The following SERPINB10 variants were observed in gnomAD, a reference collection of about 807,000 sequenced individuals.
SERPINB10 encodes the protein serpin family B member 10, also known as serpin B10.
Under a neutral mutation model 39.1 loss-of-function variants are expected in SERPINB10, and 35 were observed. That is an observed-to-expected ratio of 0.90 (90% confidence interval 0.68 to 1.19). The LOEUF is 1.19. Ranked by LOEUF, SERPINB10 falls within the 50% of genes most tolerant of loss-of-function variation. SERPINB10 has a pLI of 0.00. For synonymous variants in SERPINB10, 190 were observed against 158.1 expected, an observed-to-expected ratio of 1.20 and a Z score of -1.52; for missense variants, 546 against 460.5, an observed-to-expected ratio of 1.19 and a Z score of -1.70.
In SERPINB10 at chr18:63,935,269, A is replaced by C. The variant is rs553047583; in HGVS notation, c.*27A>C. On this transcript the variant is annotated 3_prime_UTR_variant, in exon 8 of 8. Coordinates refer to ENST00000238508, the MANE Select transcript of SERPINB10 (RefSeq NM_005024.3). ...TCCTGCATATCTCTCAACAAACAAG[A>C]CCATCTTACAGTGTGAAAAATGTAC... 6.3e-5 allele frequency: 96 copies of C among 1,526,756 alleles called. 1 individual carries two copies. In the South Asian group the frequency reaches 6.5e-4, roughly 10 times the overall value. 94.6% of individuals were successfully genotyped at this position (1,526,756 alleles called of 1,614,324 possible). A position where few individuals can be genotyped will look rare whatever the true frequency, so the allele number is the denominator to read the frequency against.
intron 1 of SERPINB10, among the ~76,000 whole-genome samples, chr18:63,912,002 A>T (rs1288065408): frequency 2.0e-5 from 3 of 151,684 alleles, no homozygotes; most frequent in Non-Finnish European, 2.9e-5. Context: ...TTTCTTCATC[A>T]GGTGTATTCC....
chr18:63,920,375 A>G (rs890329475), intron 5 of SERPINB10, among the ~76,000 whole-genome samples: 1 of 152,030 alleles, frequency 6.6e-6, no homozygotes, highest in Non-Finnish European at 1.5e-5. Context: ...TAGTGGCTTA[A>G]TAAGACACAA....
In SERPINB10 at chr18:63,933,161, C is replaced by T; in HGVS notation, c.747C>T (p.Ser249=). 6.2e-7 allele frequency: 1 copy of T among 1,613,966 alleles called. No homozygotes were observed. The highest frequency in any genetic ancestry group is 1.1e-5 in the South Asian group (1 of 91,076). ...TCTACTACAAAAGCCGTGACCTCAG[C>T]CTGCTTATACTACTGCCAGAAGACA... is the stretch of plus-strand genomic sequence containing the variant. ...LQLYYKSRDL[S]LLILLPEDIN... The change falls in exon 7 of 8, where the codon AGC becomes AGT. Residue 249 remains serine, a synonymous_variant. Coordinates refer to ENST00000238508, the MANE Select transcript of SERPINB10 (RefSeq NM_005024.3).
At chr18:63,920,741 CA>C (rs924141727) in intron 5 of SERPINB10, among the ~76,000 whole-genome samples, 19 of 152,042 alleles carry the variant, frequency 1.2e-4, no homozygotes, top group African/African-American at 4.3e-4. Context: ...GTTTTAGGAT[CA>C]AAAAGCCCCT....
rs2050251512 is a variant in SERPINB10 at position 63,934,994 on chromosome 18, A to G, written c.946A>G (p.Ser316Gly). ...LSSMGMSDAF[S>G]QSKADFSGMS... Reference sequence around the variant, plus strand: ...CAGTATGGGGATGAGTGATGCCTTCAGCCAAAGCAAAGCTGATTTCTCAGG... The same window carrying G: ...CAGTATGGGGATGAGTGATGCCTTCGGCCAAAGCAAAGCTGATTTCTCAGG... The change falls in exon 8 of 8, where the codon AGC becomes GGC. Residue 316 changes from serine (S) to glycine (G), a missense_variant. Coordinates refer to ENST00000238508, the MANE Select transcript of SERPINB10 (RefSeq NM_005024.3). 1 of 1,614,146 alleles carries G rather than the reference A, an allele frequency of 6.2e-7. No homozygotes were observed. Among genetic ancestry groups the G allele is most frequent in the South Asian group, 1.1e-5 (1 of 91,092 alleles).
intron 1 of SERPINB10, among the ~76,000 whole-genome samples, chr18:63,910,758 ACT>A (rs2050058557): frequency 7.2e-6 from 1 of 139,550 alleles, no homozygotes; most frequent in African/African-American, 2.9e-5. Flanking sequence ...TGTGATGAAC[ACT>A]TGTGTGTGTG....
intron 5 of SERPINB10, among the ~76,000 whole-genome samples, chr18:63,928,443 G>A (rs775428082): frequency 3.9e-5 from 6 of 152,120 alleles, no homozygotes; most frequent in Non-Finnish European, 8.8e-5. Flanking sequence ...ATCAGTTTAA[G>A]TTGTAACTAT....
chr18:63,917,475 A>G lies in SERPINB10; in HGVS notation c.188A>G (p.Asp63Gly), dbSNP rs1328700799. 1 of 1,584,346 alleles carries G rather than the reference A, an allele frequency of 6.3e-7. No individual in the cohort carries two copies. The highest frequency in any genetic ancestry group is 1.2e-5 in the South Asian group (1 of 86,852). Residue 63 changes from aspartate (D) to glycine (G), a missense_variant, in exon 3 of 8, where the codon GAC becomes GGC. Coordinates refer to ENST00000238508, the MANE Select transcript of SERPINB10 (RefSeq NM_005024.3). ...QMAQVLQFNR[D>G]QGVKCDPESE... Reference sequence around the variant, plus strand: ...TTACAGGTGCTTCAATTTAACAGAGACCAGGGAGTCAAATGTGACCCTGAA... The same window carrying G: ...TTACAGGTGCTTCAATTTAACAGAGGCCAGGGAGTCAAATGTGACCCTGAA...
In SERPINB10 at chr18:63,934,872, A is replaced by G; in HGVS notation, c.824A>G (p.Glu275Gly). The G allele has an allele frequency of 6.2e-7, 1 of 1,612,332 alleles. No homozygotes were observed. The highest frequency in any genetic ancestry group is 8.5e-7 in the Non-Finnish European group (1 of 1,179,406). Residue 275 changes from glutamate (E) to glycine (G), a missense_variant, in exon 8 of 8, where the codon GAG becomes GGG. Physicochemically the swap from Glu to Gly is moderately conservative, Grantham distance 98. Transcript: ENST00000238508. ...GCCATCACCTATGAGAAGCTGAATGAGTGGACCAGTGCAGACATGATGGAG... is the reference window on the plus strand; with the variant it reads ...GCCATCACCTATGAGAAGCTGAATGGGTGGACCAGTGCAGACATGATGGAG... Reference protein sequence around the residue: ...EKAITYEKLNEWTSADMMELY... With the variant: ...EKAITYEKLNGWTSADMMELY...
rs746476554 is a variant in SERPINB10 at position 63,917,438 on chromosome 18, T to G, written c.169-18T>G. 1 of 1,484,656 alleles carries G rather than the reference T, an allele frequency of 6.7e-7. No individual in the cohort carries two copies. Among genetic ancestry groups the G allele is most frequent in the Non-Finnish European group, 9.2e-7 (1 of 1,087,262 alleles). 92.0% of individuals were successfully genotyped at this position (1,484,656 alleles called of 1,614,324 possible). ...CTTCTCTGCAGTCTATTCATTTGTA[T>G]TTTTATTGAAATTACAGGTGCTTCA... On this transcript the variant is annotated intron_variant, in intron 2 of 7. Transcript: ENST00000238508.
At chr18:63,913,533 A>ATT (rs2050080091) in intron 1 of SERPINB10, among the ~76,000 whole-genome samples, 1 of 152,076 alleles carries the variant, frequency 6.6e-6, no homozygotes, top group Non-Finnish European at 1.5e-5. Flanking sequence ...TTTACCAAAA[A>ATT]GTCATTCAGT....
At chr18:63,908,153 T>C (rs1449324508) in intron 1 of SERPINB10, 113 bp downstream of exon 1, 1 of 210,658 alleles carries the variant, frequency 4.7e-6, no homozygotes, top group Non-Finnish European at 1.1e-5. Flanking sequence ...AGTCCAGAAA[T>C]AATAGATAAG....
At chr18:63,914,972 A>G (rs1599075843) in intron 1 of SERPINB10, among the ~76,000 whole-genome samples, 2 of 152,218 alleles carry the variant, frequency 1.3e-5, no homozygotes, top group East Asian at 1.9e-4. Flanking sequence ...GCATTTTCCA[A>G]TTAGTTGTGC....
chr18:63,915,381 T>G, intron 1 of SERPINB10, 121 bp from the exon 2 acceptor site: 3 of 577,294 alleles, frequency 5.2e-6, no homozygotes, highest in Non-Finnish European at 8.7e-6. Context: ...TTTGCTAAAG[T>G]CTATTCAGCT....
intron 5 of SERPINB10, among the ~76,000 whole-genome samples, chr18:63,923,996 G>A (rs879648627): frequency 6.6e-6 from 1 of 151,842 alleles, no homozygotes; most frequent in Non-Finnish European, 1.5e-5. Context: ...TTTTTCATTA[G>A]TGAGATCAGT....
At chr18:63,908,225 T>C (rs1411132365) in intron 1 of SERPINB10, among the ~76,000 whole-genome samples, 185 bp downstream of exon 1, 2 of 151,978 alleles carry the variant, frequency 1.3e-5, no homozygotes, top group Admixed American at 6.6e-5. Flanking sequence ...GTTTGAAGTT[T>C]GTACTAGAAA....
In SERPINB10 at chr18:63,915,577, G is replaced by T. The variant is rs931747815; in HGVS notation, c.67G>T (p.Ala23Ser). Residue 23 changes from alanine (A) to serine (S), a missense_variant, in exon 2 of 8, where the codon GCT (alanine) becomes TCT (serine). Coordinates refer to ENST00000238508, the MANE Select transcript of SERPINB10 (RefSeq NM_005024.3). ...LELSKKLAES[A>S]QGKNIFFSSW... Reference sequence around the variant, plus strand: ...GTTGAGCAAAAAGCTAGCTGAATCTGCTCAGGGTAAAAATATCTTCTTTTC... The same window carrying T: ...GTTGAGCAAAAAGCTAGCTGAATCTTCTCAGGGTAAAAATATCTTCTTTTC... The T allele has an allele frequency of 1.9e-6, 3 of 1,612,648 alleles. No individual in the cohort carries two copies. The highest frequency in any genetic ancestry group is 1.7e-5 in the Admixed American group (1 of 59,832).
chr18:63,909,635 A>G, intron 1 of SERPINB10, among the ~76,000 whole-genome samples: 1 of 152,030 alleles, frequency 6.6e-6, no homozygotes, highest in East Asian at 1.9e-4. Flanking sequence ...ACACTGGAAT[A>G]ACCATACACT....
intron 5 of SERPINB10, among the ~76,000 whole-genome samples, chr18:63,925,016 T>A (rs892980607): frequency 6.6e-6 from 1 of 152,026 alleles, no homozygotes; most frequent in Admixed American, 6.6e-5. Context: ...TTTTTAAATT[T>A]GTTTTTAATA....
Sources: gnomAD v4.1 joint callset for allele counts (sites outside exome capture counted in the v4.1 genomes callset) on GRCh38, gnomAD v4.1.1 for gene constraint, MANE v1.5 for transcripts, NCBI Gene and HGNC (gene_info 2026-07-23, HGNC 2026-07-21) for gene names.